Variants in OXSR1 observed in about 807,000 individuals in gnomAD.
OXSR1 encodes serine/threonine-protein kinase OSR1.
OXSR1 carries 24 observed loss-of-function variants against 79.8 expected under a neutral mutation model. That is an observed-to-expected ratio of 0.30 (90% CI 0.22 to 0.42). The LOEUF is 0.42. OXSR1 is among the 10% of genes least tolerant of loss of function. The pLI, the probability that OXSR1 is intolerant of heterozygous loss-of-function variation, is 1.00. For missense variants in OXSR1, 430 were observed against 618.4 expected (o/e 0.70, Z 3.23); for synonymous variants, 226 against 209.2 (o/e 1.08, Z -0.69).
In OXSR1 at chr3:38,232,307, G is replaced by A. The variant is rs376113104; in HGVS notation, c.951+1877G>A. On this transcript the variant is annotated intron_variant, in intron 10 of 17. Coordinates refer to ENST00000311806, the MANE Select transcript of OXSR1 (RefSeq NM_005109.3). Reference sequence around the variant, plus strand: ...TATGGTGGCATACACCTCTGGTCCCGGCTATTCAGGATGTTGAGGTGGGAG... The same window carrying A: ...TATGGTGGCATACACCTCTGGTCCCAGCTATTCAGGATGTTGAGGTGGGAG... 3.3e-4 allele frequency among the ~76,000 whole-genome samples: 50 copies of A among 152,072 alleles called. 1 individual carries two copies. The South Asian group carries it at 9.6e-3, about 29-fold the overall frequency.
In OXSR1 at chr3:38,252,365, G is replaced by A. The variant is rs776739573; in HGVS notation, c.1482G>A (p.Gln494=). 9 of 1,612,186 alleles carry A rather than the reference G, an allele frequency of 5.6e-6. No homozygotes were observed. Among genetic ancestry groups the A allele is most frequent in the Non-Finnish European group, 7.6e-6 (9 of 1,178,430 alleles). Reference sequence around the variant, plus strand: ...TGCAGAAAATTGTGGAAGAACCTCAGTCAAATCGATCTGTCACTTTCAAAC... The same window carrying A: ...TGCAGAAAATTGTGGAAGAACCTCAATCAAATCGATCTGTCACTTTCAAAC... ...ANLQKIVEEP[Q]SNRSVTFKLA... The change falls in exon 17 of 18, where the codon CAG becomes CAA. Residue 494 remains glutamine, a synonymous_variant. Transcript: ENST00000311806.
At chr3:38,224,030 C>T in intron 7 of OXSR1, 117 bp downstream of exon 7, 1 of 599,578 alleles carries the variant, frequency 1.7e-6, no homozygotes, top group South Asian at 2.3e-5. Context: ...ATAAAATTGA[C>T]CATCATCTTT....
intron 4 of OXSR1, among the ~76,000 whole-genome samples, chr3:38,210,083 A>G (rs1288924852): frequency 6.6e-6 from 1 of 151,558 alleles, no homozygotes. Flanking sequence ...CACTTTAAAC[A>G]GTTCACTCCA....
chr3:38,195,663 A>G (rs1381368029), intron 3 of OXSR1, among the ~76,000 whole-genome samples: 1 of 152,200 alleles, frequency 6.6e-6, no homozygotes, highest in Non-Finnish European at 1.5e-5. Context: ...TAACTTGTTG[A>G]TGGGGTCATT....
At chr3:38,168,348 T>G (rs930472347) in intron 1 of OXSR1, among the ~76,000 whole-genome samples, 2 of 152,210 alleles carry the variant, frequency 1.3e-5, no homozygotes, top group African/African-American at 4.8e-5. Context: ...TCTTACGAGT[T>G]AATCCCTTTT....
intron 12 of OXSR1, among the ~76,000 whole-genome samples, chr3:38,244,559 A>G (rs564129962): frequency 3.9e-5 from 6 of 152,058 alleles, no homozygotes; most frequent in Non-Finnish European, 7.4e-5. Flanking sequence ...TATTTCACTT[A>G]GCATAATGTT....
chr3:38,229,064 T>G (rs960178457), intron 8 of OXSR1, among the ~76,000 whole-genome samples: 1 of 152,224 alleles, frequency 6.6e-6, no homozygotes, highest in Non-Finnish European at 1.5e-5. Context: ...TTTTAAAAGC[T>G]TGTAAAATTG....
In OXSR1 at chr3:38,223,835, T is replaced by C; in HGVS notation, c.624T>C (p.Ala208=). The part of the protein sequence containing the change: ...MEQVRGYDFK[A]DIWSFGITAI... ...AGGTCCGTGGTTATGATTTCAAAGC[T>C]GATATTTGGAGTTTTGGAATTACAG... The change falls in exon 7 of 18, where the codon GCT becomes GCC. Residue 208 remains alanine, a synonymous_variant. Coordinates refer to ENST00000311806, the MANE Select transcript of OXSR1 (RefSeq NM_005109.3). 1 of 1,611,160 alleles carries C rather than the reference T, an allele frequency of 6.2e-7. No homozygotes were observed. Among genetic ancestry groups the C allele is most frequent in the Non-Finnish European group, 8.5e-7 (1 of 1,178,082 alleles).
At chr3:38,251,551 C>A in intron 16 of OXSR1, 80 bp downstream of exon 16, 1 of 1,055,152 alleles carries the variant, frequency 9.5e-7, no homozygotes, top group Non-Finnish European at 1.5e-6. Flanking sequence ...GTTTTTTATT[C>A]CACTGAGTAG....
intron 1 of OXSR1, among the ~76,000 whole-genome samples, chr3:38,179,268 G>A (rs1164168178): frequency 5.9e-5 from 9 of 152,016 alleles, no homozygotes; most frequent in African/African-American, 1.9e-4. Context: ...GGGCTCAAGC[G>A]ATCCATCCAC....
Position 38,190,829 on chromosome 3 carries a change from G to C in OXSR1, c.282G>C (p.Leu94=). ...VKDELWLVMK[L]LSGGSVLDII... The stretch of plus-strand genomic sequence containing the variant: ...ATGAGCTGTGGCTTGTCATGAAGCT[G>C]CTAAGTGGAGGTGAGTAGAGTACAA... Residue 94 remains leucine (L), a synonymous_variant, in exon 3 of 18, where the codon CTG becomes CTC. Transcript: ENST00000311806. The C allele has an allele frequency of 6.4e-7, 1 of 1,569,538 alleles. No homozygotes were observed. The highest frequency in any genetic ancestry group is 8.8e-7 in the Non-Finnish European group (1 of 1,139,602).
At chr3:38,201,045 T>C (rs963266384) in intron 4 of OXSR1, among the ~76,000 whole-genome samples, 3 of 152,100 alleles carry the variant, frequency 2.0e-5, no homozygotes, top group Non-Finnish European at 4.4e-5. Flanking sequence ...TATTTCCTGT[T>C]GTGACGCATC....
rs1703133588 is a variant in OXSR1 at position 38,245,999 on chromosome 3, A to T, written c.1111-76A>T. The T allele has an allele frequency of 3.0e-6, 4 of 1,325,628 alleles. No individual in the cohort carries two copies. In the African/African-American group the frequency reaches 5.8e-5, roughly 19 times the overall value. 82.1% of individuals were successfully genotyped at this position (1,325,628 alleles called of 1,614,324 possible). ...ACTACTTTGAAAATATCACCCTGAA[A>T]GGCTGAACTTGCTGTCAGCAGACCT... is the stretch of plus-strand genomic sequence containing the variant. On this transcript the variant is annotated intron_variant, in intron 12 of 17. Transcript: ENST00000311806.
intron 4 of OXSR1, among the ~76,000 whole-genome samples, chr3:38,209,335 C>G (rs538062874): frequency 2.2e-3 from 333 of 151,934 alleles, no homozygotes; most frequent in African/African-American, 7.7e-3. Context: ...TCTCCTGCCT[C>G]AGACTCCCAA....
At chr3:38,177,867 T>C (rs1231592526) in intron 1 of OXSR1, among the ~76,000 whole-genome samples, 1 of 152,070 alleles carries the variant, frequency 6.6e-6, no homozygotes, top group African/African-American at 2.4e-5. Context: ...AGATTACACA[T>C]GTGAGCCACA....
chr3:38,199,428 A>G (rs753969869), intron 4 of OXSR1, among the ~76,000 whole-genome samples: 3 of 151,942 alleles, frequency 2.0e-5, no homozygotes, highest in Non-Finnish European at 4.4e-5. Flanking sequence ...GGGTCTTGCT[A>G]TGTTGCCCAG....
At chr3:38,227,825 A>T (rs1294957012) in intron 8 of OXSR1, among the ~76,000 whole-genome samples, 1 of 152,162 alleles carries the variant, frequency 6.6e-6, no homozygotes, top group East Asian at 1.9e-4. Flanking sequence ...AACCTCGGGG[A>T]ACAGATTACC....
At chr3:38,213,421 C>G (rs985891468) in intron 4 of OXSR1, among the ~76,000 whole-genome samples, 1 of 152,020 alleles carries the variant, frequency 6.6e-6, no homozygotes, top group East Asian at 1.9e-4. Flanking sequence ...ACAAAGAAAA[C>G]GTGAAAAACT....
chr3:38,221,850 A>T (rs777437921), intron 6 of OXSR1, among the ~76,000 whole-genome samples, 163 bp downstream of exon 6: 2 of 152,216 alleles, frequency 1.3e-5, no homozygotes, highest in Non-Finnish European at 2.9e-5. Context: ...AAAACAACAA[A>T]AACTCTCTAG....
Sources: allele counts gnomAD v4.1 joint callset (sites outside exome capture counted in the v4.1 genomes callset), GRCh38; gene constraint gnomAD v4.1.1; transcripts MANE v1.5; gene names NCBI Gene and HGNC (gene_info 2026-07-23, HGNC 2026-07-21).